Variants in PRPSAP2 observed in about 807,000 individuals in gnomAD.
The protein encoded by PRPSAP2 is phosphoribosyl pyrophosphate synthase-associated protein 2.
A neutral mutation model predicts 40.6 loss-of-function variants in PRPSAP2; 24 were observed. That is an observed-to-expected ratio of 0.59 (90% CI 0.43 to 0.83). PRPSAP2 has a LOEUF of 0.83. PRPSAP2 is among the 40% of genes least tolerant of loss of function. PRPSAP2 has a pLI of 0.00. For synonymous variants in PRPSAP2, 149 were observed against 164.7 expected, an observed-to-expected ratio of 0.90 and a Z score of 0.73; for missense variants, 292 against 465.6, an observed-to-expected ratio of 0.63 and a Z score of 3.43.
intron 4 of PRPSAP2, among the ~76,000 whole-genome samples, chr17:18,869,865 T>TGTGTGTGTGTGTGTGTGTGTGTGTGA (rs745428673): frequency 6.8e-6 from 1 of 147,772 alleles, no homozygotes; most frequent in African/African-American, 2.5e-5. Flanking sequence ...TGTGTGTGTG[T>TGTGTGTGTGTGTGTGTGTGTGTGTGA]GAGACAGAGT....
chr17:18,883,024 T>A (rs1220059987), intron 7 of PRPSAP2, among the ~76,000 whole-genome samples: 1 of 152,140 alleles, frequency 6.6e-6, no homozygotes, highest in Non-Finnish European at 1.5e-5. Flanking sequence ...CATCCAGTTA[T>A]AATAGCCAGC....
chr17:18,863,785 C>T (rs1048029063), intron 1 of PRPSAP2, among the ~76,000 whole-genome samples: 18 of 150,096 alleles, frequency 1.2e-4, no homozygotes, highest in Non-Finnish European at 1.9e-4. Flanking sequence ...CCACCCACCT[C>T]GGCCTCCCAA....
At chr17:18,929,516 C>T (rs2042151497) in intron 11 of PRPSAP2, 1 of 152,244 alleles carries the variant, frequency 6.6e-6, no homozygotes, top group Admixed American at 6.6e-5. Flanking sequence ...CACATTTTCT[C>T]TCACTGCCAT....
intron 8 of PRPSAP2, among the ~76,000 whole-genome samples, chr17:18,899,104 AT>A (rs1418273401): frequency 6.6e-6 from 1 of 152,010 alleles, no homozygotes; most frequent in East Asian, 1.9e-4. Context: ...GGGTTTCTCC[AT>A]GTTGGTCAGG....
chr17:18,902,578 T>C (rs1018736080), intron 8 of PRPSAP2, among the ~76,000 whole-genome samples: 2 of 151,968 alleles, frequency 1.3e-5, no homozygotes, highest in African/African-American at 4.8e-5. Context: ...TGGCCAAATA[T>C]GATTGAAATT....
intron 6 of PRPSAP2, among the ~76,000 whole-genome samples, chr17:18,878,265 A>G (rs1156243519): frequency 4.6e-5 from 7 of 152,182 alleles, no homozygotes; most frequent in Admixed American, 4.6e-4. Context: ...TGGGCACAGC[A>G]GCTCACGCCT....
At chr17:18,871,581 C>T (rs1431386109) in intron 4 of PRPSAP2, among the ~76,000 whole-genome samples, 1 of 151,318 alleles carries the variant, frequency 6.6e-6, no homozygotes, top group African/African-American at 2.4e-5. Context: ...TTGTTTCTCA[C>T]AACATACAAT....
At chr17:18,864,304 T>C (rs1273147283) in intron 1 of PRPSAP2, among the ~76,000 whole-genome samples, 5 of 151,876 alleles carry the variant, frequency 3.3e-5, no homozygotes, top group African/African-American at 4.8e-5. Flanking sequence ...AGGTTTTTTT[T>C]TTTTTCTGAG....
chr17:18,869,843 T>G (rs1333404878), intron 4 of PRPSAP2, among the ~76,000 whole-genome samples: 2 of 125,850 alleles, frequency 1.6e-5, no homozygotes, highest in Non-Finnish European at 3.3e-5. Flanking sequence ...ACTTTTTTTT[T>G]GTGTGTGTGT....
At chr17:18,918,021 T>C (rs1004589353) in intron 9 of PRPSAP2, among the ~76,000 whole-genome samples, 2 of 152,110 alleles carry the variant, frequency 1.3e-5, no homozygotes, top group Admixed American at 6.6e-5. Context: ...AGGTATATTC[T>C]GGACTGTTAG....
intron 9 of PRPSAP2, among the ~76,000 whole-genome samples, chr17:18,915,181 T>C (rs2041234262): frequency 1.3e-5 from 2 of 152,024 alleles, no homozygotes; most frequent in East Asian, 3.9e-4. Context: ...TGTGCCACCA[T>C]GTCTGGCTAA....
chr17:18,908,257 C>T (rs987679147), intron 8 of PRPSAP2: 23 of 758,374 alleles, frequency 3.0e-5, no homozygotes, highest in Non-Finnish European at 4.9e-5. Context: ...CCCACTCAGC[C>T]GAGCTGCCGC....
intron 8 of PRPSAP2, among the ~76,000 whole-genome samples, chr17:18,897,197 A>G (rs1209425739): frequency 1.3e-5 from 2 of 151,934 alleles, no homozygotes; most frequent in African/African-American, 4.8e-5. Context: ...GCCTCAAGTG[A>G]TCTGCCCATC....
At chr17:18,922,645 T>C (rs1246496646) in intron 9 of PRPSAP2, among the ~76,000 whole-genome samples, 1 of 149,150 alleles carries the variant, frequency 6.7e-6, no homozygotes, top group Non-Finnish European at 1.5e-5. Context: ...TATTTTGGCA[T>C]ATGGCGCATA....
intron 6 of PRPSAP2, among the ~76,000 whole-genome samples, chr17:18,881,820 A>G (rs148974551): frequency 0.01 from 1,513 of 149,736 alleles, 23 homozygotes; most frequent in African/African-American, 0.035. Context: ...GGCGTGAGCC[A>G]CTGTGCCCGG....
chr17:18,900,517 T>C (rs1003045217), intron 8 of PRPSAP2, among the ~76,000 whole-genome samples: 2 of 152,164 alleles, frequency 1.3e-5, no homozygotes, highest in African/African-American at 4.8e-5. Flanking sequence ...TTCATTCATA[T>C]TGAGATTTCA....
At chr17:18,882,788 A>G in intron 7 of PRPSAP2, 105 bp downstream of exon 7, 2 of 725,766 alleles carry the variant, frequency 2.8e-6, no homozygotes, top group East Asian at 5.0e-5. Flanking sequence ...GATGTATTGT[A>G]CTTAAAGTAC....
intron 4 of PRPSAP2, among the ~76,000 whole-genome samples, chr17:18,872,009 A>G (rs6502673): frequency 0.53 from 80,143 of 151,826 alleles, 21,393 homozygotes; most frequent in Middle Eastern, 0.59. Context: ...GGTAGCTCAC[A>G]CCTGTAATCC....
At chr17:18,930,245 C>A (rs996676460) in intron 11 of PRPSAP2, among the ~76,000 whole-genome samples, 3 of 152,074 alleles carry the variant, frequency 2.0e-5, no homozygotes, top group Admixed American at 2.0e-4. Flanking sequence ...TGGTGGCGGG[C>A]GCCTGTCGTC....
Sources: allele counts gnomAD v4.1 joint callset (sites outside exome capture counted in the v4.1 genomes callset), GRCh38; gene constraint gnomAD v4.1.1; transcripts MANE v1.5; gene names NCBI Gene and HGNC (gene_info 2026-07-23, HGNC 2026-07-21).